Variants in SNTG1 observed in about 807,000 individuals in gnomAD.
SNTG1 encodes the protein gamma-1-syntrophin.
Under a neutral mutation model 74.7 loss-of-function variants are expected in SNTG1, and 39 were observed. The ratio of observed to expected loss-of-function variants is 0.52; its 90% CI spans 0.40 to 0.68. SNTG1 has a LOEUF of 0.68. Among genes scored for constraint, SNTG1 ranks in the 30% least tolerant of loss-of-function variants. The pLI is 0.00. For missense variants in SNTG1, 685 were observed against 609.5 expected (o/e 1.12, Z -1.30); for synonymous variants, 254 against 217.1 (o/e 1.17, Z -1.49).
chr8:50,024,628 A>G (rs1817105372), intron 1 of SNTG1, among the ~76,000 whole-genome samples: 1 of 152,284 alleles, frequency 6.6e-6, no homozygotes, highest in South Asian at 2.1e-4. Context: ...TTCTACATGT[A>G]TATCTGTGAT....
chr8:50,063,173 A>G (rs547892413), intron 1 of SNTG1, among the ~76,000 whole-genome samples: 7 of 152,358 alleles, frequency 4.6e-5, no homozygotes, highest in Non-Finnish European at 1.0e-4. Flanking sequence ...TCAGATACGT[A>G]ATCTCAGATA....
intron 8 of SNTG1, among the ~76,000 whole-genome samples, chr8:50,458,331 C>A (rs2093527266): frequency 6.6e-6 from 1 of 151,896 alleles, no homozygotes; most frequent in South Asian, 2.1e-4. Flanking sequence ...ATAAAAGGAA[C>A]ATGCAGAAAA....
chr8:50,559,223 T>A (rs1471208102), intron 12 of SNTG1, among the ~76,000 whole-genome samples: 2 of 152,192 alleles, frequency 1.3e-5, no homozygotes, highest in Non-Finnish European at 2.9e-5. Context: ...TGGGAATAAT[T>A]TCTTGTAGTG....
intron 1 of SNTG1, among the ~76,000 whole-genome samples, chr8:50,021,326 T>C (rs1470956954): frequency 6.6e-6 from 1 of 152,220 alleles, no homozygotes; most frequent in Non-Finnish European, 1.5e-5. Context: ...CTCTTGTTTG[T>C]TTTGCTGTCT....
chr8:50,265,860 T>A lies in SNTG1; in HGVS notation c.-28+93225T>A, dbSNP rs116311256. On this transcript the variant is annotated intron_variant, in intron 2 of 18. Transcript: ENST00000642720. ...TTACAATGATATCAAAAAAATGAAA[T>A]ACTTTGGAATAAATTTCATGAAAGT... 2.0e-3 allele frequency among the ~76,000 whole-genome samples: 305 copies of A among 152,012 alleles called. 1 individual carries two copies. The highest frequency in any genetic ancestry group is 7.0e-3 in the African/African-American group (290 of 41,514).
At chr8:50,510,787 C>G (rs969484326) in intron 9 of SNTG1, among the ~76,000 whole-genome samples, 1 of 151,964 alleles carries the variant, frequency 6.6e-6, no homozygotes, top group African/African-American at 2.4e-5. Flanking sequence ...TGTATTGCAT[C>G]TATTTGATTC....
chr8:50,138,270 A>C (rs2081540822), intron 1 of SNTG1, among the ~76,000 whole-genome samples: 1 of 151,996 alleles, frequency 6.6e-6, no homozygotes, highest in African/African-American at 2.4e-5. Context: ...AGAAAAAAAA[A>C]CAGCAATTGA....
intron 2 of SNTG1, among the ~76,000 whole-genome samples, chr8:50,356,574 G>T (rs1031818612): frequency 2.0e-5 from 3 of 152,120 alleles, no homozygotes; most frequent in African/African-American, 4.8e-5. Flanking sequence ...GCCGGCATCC[G>T]CTGTCTGGTA....
intron 1 of SNTG1, among the ~76,000 whole-genome samples, chr8:49,981,516 G>C (rs191439244): frequency 4.8e-4 from 73 of 152,216 alleles, no homozygotes; most frequent in African/African-American, 1.6e-3. Context: ...ATTGATTAGA[G>C]TAGGGCAAAA....
intron 2 of SNTG1, among the ~76,000 whole-genome samples, chr8:50,220,166 A>G (rs1386618546): frequency 2.0e-5 from 3 of 152,138 alleles, no homozygotes; most frequent in Non-Finnish European, 2.9e-5. Context: ...TTTATTGATC[A>G]TGATACCACA....
intron 1 of SNTG1, among the ~76,000 whole-genome samples, chr8:49,935,545 A>C (rs1808003583): frequency 6.6e-6 from 1 of 151,538 alleles, no homozygotes; most frequent in Admixed American, 6.6e-5. Flanking sequence ...AAAAAGAAAA[A>C]GAAAAAAAAA....
rs1255067751 is a variant in SNTG1, at chr8:50,796,559, T to C, written c.*3730T>C. 6.6e-6 allele frequency: 1 copy of C among 152,044 alleles called. No individual in the cohort carries two copies. The highest frequency in any genetic ancestry group is 2.4e-5 in the African/African-American group (1 of 41,456). The allele number at this position is 152,044 out of a possible 1,614,324, so 9.4% of individuals were successfully genotyped here. ...CATTTTTAATTGTTTTGGTGGATGTTTGTAAAATGTAAATTAATATCTGTG... is the reference window on the plus strand; with the variant it reads ...CATTTTTAATTGTTTTGGTGGATGTCTGTAAAATGTAAATTAATATCTGTG... On this transcript the variant is annotated 3_prime_UTR_variant, in exon 19 of 19. Coordinates refer to ENST00000642720, the MANE Select transcript of SNTG1 (RefSeq NM_018967.5).
intron 2 of SNTG1, among the ~76,000 whole-genome samples, chr8:50,313,765 A>T (rs1306718068): frequency 4.0e-5 from 6 of 149,996 alleles, no homozygotes; most frequent in Non-Finnish European, 8.8e-5. Context: ...CTAAACAGAC[A>T]TAAAAAACAA....
At chr8:50,336,108 AT>A (rs1299021498) in intron 2 of SNTG1, among the ~76,000 whole-genome samples, 3 of 152,128 alleles carry the variant, frequency 2.0e-5, no homozygotes, top group Non-Finnish European at 4.4e-5. Flanking sequence ...GGGAATATGA[AT>A]TTTATCCACA....
chr8:49,930,082 A>G (rs956360343), intron 1 of SNTG1, among the ~76,000 whole-genome samples: 1 of 152,168 alleles, frequency 6.6e-6, no homozygotes, highest in Admixed American at 6.5e-5. Flanking sequence ...AATAAACTAC[A>G]AGTCCAGACT....
chr8:50,443,395 T>C lies in SNTG1; in HGVS notation c.219+4796T>C, dbSNP rs1049909220. Among the ~76,000 whole-genome samples, 5 of 152,164 alleles carry C rather than the reference T, an allele frequency of 3.3e-5. No individual in the cohort carries two copies. In the East Asian group the frequency reaches 9.6e-4, roughly 29 times the overall value. On this transcript the variant is annotated intron_variant, in intron 5 of 18. Transcript: ENST00000642720. ...AAAATAATAAATTATCTATGTCCAT[T>C]AAATAAATGTATGCAATCAAAGGTG...
At chr8:50,528,700 T>A (rs1393939167) in intron 9 of SNTG1, among the ~76,000 whole-genome samples, 2 of 151,964 alleles carry the variant, frequency 1.3e-5, no homozygotes, top group African/African-American at 4.8e-5. Flanking sequence ...TGAAGTTATT[T>A]ATCATGACCG....
chr8:50,554,486 T>G (rs2130621569), intron 12 of SNTG1, among the ~76,000 whole-genome samples: 1 of 152,018 alleles, frequency 6.6e-6, no homozygotes, highest in South Asian at 2.1e-4. Flanking sequence ...CCTTTTTTTT[T>G]TTTTTCTGGT....
intron 1 of SNTG1, among the ~76,000 whole-genome samples, chr8:49,997,437 C>A (rs1240078318): frequency 1.3e-5 from 2 of 152,068 alleles, no homozygotes; most frequent in African/African-American, 4.8e-5. Context: ...TCTCTGCTCC[C>A]TTAACTCAGA....
Sources: allele counts gnomAD v4.1 joint callset (sites outside exome capture counted in the v4.1 genomes callset), GRCh38; gene constraint gnomAD v4.1.1; transcripts MANE v1.5; gene names NCBI Gene and HGNC (gene_info 2026-07-23, HGNC 2026-07-21).